MAP3K7: variants seen among roughly 807,000 people sequenced by gnomAD.
MAP3K7 encodes the protein TGF-beta activated kinase 1.
Under a neutral mutation model 84.8 loss-of-function variants are expected in MAP3K7, and 21 were observed. The observed-to-expected ratio is 0.25, with a 90% CI of 0.18 to 0.36. The LOEUF is 0.36. Ranked by LOEUF, MAP3K7 falls within the 10% of genes least tolerant of loss-of-function variation. The pLI is 1.00. For synonymous variants in MAP3K7, 241 were observed against 247.7 expected (o/e 0.97, Z 0.25); for missense variants, 503 against 747.7 (o/e 0.67, Z 3.82).
chr6:90,519,868 C>T (rs375201266), intron 14 of MAP3K7, among the ~76,000 whole-genome samples: 3 of 151,908 alleles, frequency 2.0e-5, no homozygotes, highest in Admixed American at 6.6e-5. Context: ...CTGCAGAAAA[C>T]GAGATGTTGG....
intron 10 of MAP3K7, 131 bp downstream of exon 10, chr6:90,547,916 G>T: frequency 1.5e-6 from 1 of 684,618 alleles, no homozygotes; most frequent in Non-Finnish European, 2.2e-6. Context: ...CTATTTGTAA[G>T]CTCTTTTGCA....
At position 90,587,023 on chromosome 6, in the gene MAP3K7, A is replaced by T. The variant is rs138530254; in HGVS notation, c.-140T>A. Reference sequence around the variant, plus strand: ...ACCCGGCGATCCGTGGCGGGGGTAGAGGCAGCGGCCACAGCCGTGTCCGGC... The same window carrying T: ...ACCCGGCGATCCGTGGCGGGGGTAGTGGCAGCGGCCACAGCCGTGTCCGGC... On this transcript the variant is annotated 5_prime_UTR_variant, in exon 1 of 17. Transcript: ENST00000369329. 7.1e-4 allele frequency: 752 copies of T among 1,060,146 alleles called. 2 individuals are homozygous for T. The African/African-American group carries it at 8.1e-3, about 11-fold the overall frequency. The allele number at this position is 1,060,146 out of a possible 1,614,324, so 65.7% of individuals were successfully genotyped here. A position where few individuals can be genotyped will look rare whatever the true frequency, so the allele number is the denominator to read the frequency against.
At chr6:90,563,619 G>A (rs1776597949) in intron 3 of MAP3K7, among the ~76,000 whole-genome samples, 1 of 152,202 alleles carries the variant, frequency 6.6e-6, no homozygotes, top group African/African-American at 2.4e-5. Context: ...GTGATGGAGA[G>A]AATGGAACCA....
At chr6:90,546,363 G>A (rs1245436304) in intron 11 of MAP3K7, among the ~76,000 whole-genome samples, 1 of 152,070 alleles carries the variant, frequency 6.6e-6, no homozygotes, top group Non-Finnish European at 1.5e-5. Flanking sequence ...AAATACACAT[G>A]AATATATACA....
At chr6:90,553,106 C>T (rs1187197625) in intron 7 of MAP3K7, among the ~76,000 whole-genome samples, 1 of 152,172 alleles carries the variant, frequency 6.6e-6, no homozygotes, top group Non-Finnish European at 1.5e-5. Flanking sequence ...TTATATTAAC[C>T]ATGTCAGAGA....
chr6:90,532,700 AG>A (rs201099683), intron 13 of MAP3K7, among the ~76,000 whole-genome samples: 4,842 of 152,322 alleles, frequency 0.032, 105 homozygotes, highest in Middle Eastern at 0.058. Context: ...ATATTGTTTT[AG>A]TGAAACACAG....
intron 3 of MAP3K7, among the ~76,000 whole-genome samples, chr6:90,564,275 A>T (rs1582221602): frequency 6.6e-6 from 1 of 152,320 alleles, no homozygotes; most frequent in East Asian, 1.9e-4. Context: ...CAGACTGGCA[A>T]ATTGGATAGA....
At chr6:90,546,398 A>C (rs1307245310) in intron 11 of MAP3K7, among the ~76,000 whole-genome samples, 1 of 152,204 alleles carries the variant, frequency 6.6e-6, no homozygotes, top group Non-Finnish European at 1.5e-5. Flanking sequence ...TAGTTAAAAG[A>C]TGGGGTAAAT....
intron 1 of MAP3K7, among the ~76,000 whole-genome samples, chr6:90,576,429 A>T (rs868053933): frequency 0.15 from 17,556 of 114,654 alleles, 1,361 homozygotes; most frequent in Non-Finnish European, 0.2. Context: ...TCACACACAC[A>T]CACACACACA....
At chr6:90,525,581 T>G (rs1202455738) in intron 13 of MAP3K7, among the ~76,000 whole-genome samples, 1 of 151,982 alleles carries the variant, frequency 6.6e-6, no homozygotes, top group African/African-American at 2.4e-5. Flanking sequence ...TGAGATTTGT[T>G]TTTAAAGACA....
intron 3 of MAP3K7, among the ~76,000 whole-genome samples, chr6:90,564,662 GAGAC>G (rs1371471797): frequency 6.6e-6 from 1 of 152,102 alleles, no homozygotes; most frequent in African/African-American, 2.4e-5. Context: ...ACAAATTAAC[GAGAC>G]AGAAAGTTAA....
chr6:90,566,409 A>G (rs1776706088), intron 3 of MAP3K7, among the ~76,000 whole-genome samples: 1 of 152,226 alleles, frequency 6.6e-6, no homozygotes, highest in African/African-American at 2.4e-5. Flanking sequence ...GCATTCCTAT[A>G]CACTAATAAC....
rs924175467 is a variant in MAP3K7, at chr6:90,587,009, C to A, written c.-126G>T. ...CGCGCAGTCCTACTACCCGGCGATCCGTGGCGGGGGTAGAGGCAGCGGCCA... is the reference window on the plus strand; with the variant it reads ...CGCGCAGTCCTACTACCCGGCGATCAGTGGCGGGGGTAGAGGCAGCGGCCA... On this transcript the variant is annotated 5_prime_UTR_variant, in exon 1 of 17. Coordinates refer to ENST00000369329, the MANE Select transcript of MAP3K7 (RefSeq NM_145331.3). 19 of 1,182,438 alleles carry A rather than the reference C, an allele frequency of 1.6e-5. No homozygotes were observed. The highest frequency in any genetic ancestry group is 2.1e-5 in the Non-Finnish European group (19 of 898,878). The allele number at this position is 1,182,438 out of a possible 1,614,324, so 73.2% of individuals were successfully genotyped here.
rs144812668 is a variant in MAP3K7, at chr6:90,526,820, G to C, written c.1357-3037C>G. On this transcript the variant is annotated intron_variant, in intron 13 of 16. Transcript: ENST00000369329. The stretch of plus-strand genomic sequence containing the variant: ...CAGGTAAGTTCTATCAAACATTCAA[G>C]ATAAGGATTTTTCCAATCTTAAATT... Among the ~76,000 whole-genome samples, 656 of 152,054 alleles carry C rather than the reference G, an allele frequency of 4.3e-3. 7 individuals are homozygous for C. Among genetic ancestry groups the C allele is most frequent in the Middle Eastern group, 0.017 (5 of 294 alleles).
chr6:90,544,546 T>C lies in MAP3K7; in HGVS notation c.1291+6A>G. On this transcript the variant is annotated splice_donor_region_variant and intron_variant, in intron 12 of 16. Coordinates refer to ENST00000369329, the MANE Select transcript of MAP3K7 (RefSeq NM_145331.3). ...CTATTAGACCAACTCAGGTGGTCTATGATACCTGATATGACGATCTCAGGG... is the reference window on the plus strand; with the variant it reads ...CTATTAGACCAACTCAGGTGGTCTACGATACCTGATATGACGATCTCAGGG... 1 of 1,611,498 alleles carries C rather than the reference T, an allele frequency of 6.2e-7. No homozygotes were observed. Among genetic ancestry groups the C allele is most frequent in the Admixed American group, 1.7e-5 (1 of 59,846 alleles).
At chr6:90,571,672 CA>C in intron 2 of MAP3K7, 24 bp downstream of exon 2, 1 of 1,423,524 alleles carries the variant, frequency 7.0e-7, no homozygotes, top group Non-Finnish European at 9.7e-7. Flanking sequence ...CAGAACTACA[CA>C]AAAGAAATGA....
At chr6:90,558,818 C>T (rs1035349536) in intron 5 of MAP3K7, among the ~76,000 whole-genome samples, 32 of 152,276 alleles carry the variant, frequency 2.1e-4, no homozygotes, top group Admixed American at 1.0e-3. Context: ...TATTCCAAAG[C>T]CAAAACATAC....
intron 4 of MAP3K7, among the ~76,000 whole-genome samples, chr6:90,561,307 C>T (rs1357424475): frequency 6.6e-6 from 1 of 150,816 alleles, no homozygotes; most frequent in Admixed American, 6.6e-5. Context: ...TGAGGAGGCT[C>T]AAAGTTATGA....
At chr6:90,566,395 A>C (rs1471520790) in intron 3 of MAP3K7, among the ~76,000 whole-genome samples, 1 of 152,232 alleles carries the variant, frequency 6.6e-6, no homozygotes, top group Non-Finnish European at 1.5e-5. Context: ...TGCAAAAATC[A>C]CAAGCATTCC....
Sources: allele counts gnomAD v4.1 joint callset (sites outside exome capture counted in the v4.1 genomes callset), GRCh38; gene constraint gnomAD v4.1.1; transcripts MANE v1.5; gene names NCBI Gene and HGNC (gene_info 2026-07-23, HGNC 2026-07-21).